RPSA2: variants seen among roughly 807,000 people sequenced by gnomAD.
RPSA2 encodes the protein small ribosomal subunit protein uS2B.
chr19:23,775,123 C>G, the RPSA2 span, among the ~76,000 whole-genome samples: 1 of 152,098 alleles, frequency 6.6e-6, no homozygotes, highest in Admixed American at 6.6e-5. Flanking sequence ...TGTATGAAGC[C>G]CCGGGTGGTA....
the RPSA2 span, among the ~76,000 whole-genome samples, chr19:23,847,014 T>C: frequency 6.6e-6 from 1 of 152,148 alleles, no homozygotes; most frequent in African/African-American, 2.4e-5. Context: ...AGTCACTTTA[T>C]GTAGTTGCAA....
chr19:23,791,120 T>G, the RPSA2 span, among the ~76,000 whole-genome samples: 1 of 152,108 alleles, frequency 6.6e-6, no homozygotes, highest in Non-Finnish European at 1.5e-5. Context: ...AATGTATGGG[T>G]GTCACAATGA....
chr19:23,814,515 C>A, the RPSA2 span, among the ~76,000 whole-genome samples: 1 of 152,036 alleles, frequency 6.6e-6, no homozygotes, highest in Non-Finnish European at 1.5e-5. Context: ...GTTTCAAAAT[C>A]AGAAATTATA....
At chr19:23,766,614 C>T in the RPSA2 span, among the ~76,000 whole-genome samples, 1 of 151,618 alleles carries the variant, frequency 6.6e-6, no homozygotes, top group African/African-American at 2.4e-5. Flanking sequence ...ACCACCTTGC[C>T]CGGCTAATTT....
At chr19:23,848,688 C>T in the RPSA2 span, among the ~76,000 whole-genome samples, 3 of 149,266 alleles carry the variant, frequency 2.0e-5, no homozygotes, top group South Asian at 2.1e-4. Context: ...TCCAATTGTA[C>T]TGCATTTGCA....
At chr19:23,821,866 A>C in the RPSA2 span, among the ~76,000 whole-genome samples, 1 of 152,168 alleles carries the variant, frequency 6.6e-6, no homozygotes, top group Non-Finnish European at 1.5e-5. Context: ...GCTGCCGCTA[A>C]CAGGTTGGCC....
the RPSA2 span, among the ~76,000 whole-genome samples, chr19:23,847,191 T>A: frequency 6.6e-6 from 1 of 151,966 alleles, no homozygotes; most frequent in Non-Finnish European, 1.5e-5. Flanking sequence ...AATCTTTAAG[T>A]TCTACAATTT....
chr19:23,815,495 A>C, the RPSA2 span, among the ~76,000 whole-genome samples: 1 of 152,178 alleles, frequency 6.6e-6, no homozygotes, highest in Non-Finnish European at 1.5e-5. Context: ...ATTATGTGAC[A>C]TGTACAGTTA....
the RPSA2 span, among the ~76,000 whole-genome samples, chr19:23,826,080 T>C: frequency 8.6e-5 from 13 of 151,712 alleles, no homozygotes; most frequent in Admixed American, 1.3e-4. Context: ...TTTAGTCATA[T>C]CAATTATCTT....
the RPSA2 span, among the ~76,000 whole-genome samples, chr19:23,810,030 G>A: frequency 1.1e-4 from 17 of 152,246 alleles, 1 homozygote; most frequent in South Asian, 3.5e-3. Flanking sequence ...TTGTGGTGAA[G>A]AAGGGTTGTA....
the RPSA2 span, among the ~76,000 whole-genome samples, chr19:23,859,555 A>G: frequency 6.6e-6 from 1 of 152,162 alleles, no homozygotes; most frequent in African/African-American, 2.4e-5. Context: ...TGAAACTGGA[A>G]GGTGGAGGTT....
the RPSA2 span, among the ~76,000 whole-genome samples, chr19:23,847,107 G>C: frequency 6.6e-6 from 1 of 151,582 alleles, no homozygotes; most frequent in African/African-American, 2.4e-5. Flanking sequence ...CCTGTTTAAA[G>C]GTCTGAAAAT....
chr19:23,846,725 T>A, the RPSA2 span, among the ~76,000 whole-genome samples: 2 of 152,238 alleles, frequency 1.3e-5, no homozygotes, highest in Non-Finnish European at 2.9e-5. Flanking sequence ...CTGAGAAGTC[T>A]GCTTTTAGTC....
At chr19:23,870,016 C>G in the RPSA2 span, among the ~76,000 whole-genome samples, 1 of 152,164 alleles carries the variant, frequency 6.6e-6, no homozygotes, top group African/African-American at 2.4e-5. Flanking sequence ...TGTAATATCT[C>G]TACTTTGATA....
chr19:23,848,172 T>A, the RPSA2 span, among the ~76,000 whole-genome samples: 1 of 152,188 alleles, frequency 6.6e-6, no homozygotes, highest in South Asian at 2.1e-4. Context: ...CATAAGAAAT[T>A]ATAAGAGTAT....
the RPSA2 span, among the ~76,000 whole-genome samples, chr19:23,864,195 A>T: frequency 6.6e-6 from 1 of 152,232 alleles, no homozygotes. Context: ...AAGAATGGGC[A>T]TATTACAGAC....
At chr19:23,841,871 A>T in the RPSA2 span, among the ~76,000 whole-genome samples, 1 of 152,236 alleles carries the variant, frequency 6.6e-6, no homozygotes, top group Non-Finnish European at 1.5e-5. Context: ...AGGCTGAACC[A>T]GATGTTTACC....
At chr19:23,759,535 T>TTTTTTTTTTTTC in the RPSA2 span, among the ~76,000 whole-genome samples, 1 of 140,704 alleles carries the variant, frequency 7.1e-6, no homozygotes, top group Non-Finnish European at 1.5e-5. Flanking sequence ...TTTTTTTTTT[T>TTTTTTTTTTTTC]TTTTTTGAGA....
chr19:23,832,020 T>G, the RPSA2 span: 1 of 427,700 alleles, frequency 2.3e-6, no homozygotes, highest in South Asian at 2.0e-5. Context: ...TCCTTACTAA[T>G]AATAAGAAAA....
Sources: allele counts gnomAD v4.1 joint callset (sites outside exome capture counted in the v4.1 genomes callset), GRCh38; gene constraint gnomAD v4.1.1; transcripts MANE v1.5; gene names NCBI Gene and HGNC (gene_info 2026-07-23, HGNC 2026-07-21).